BABAM2: variants seen among roughly 807,000 people sequenced by gnomAD.
BABAM2 encodes BRISC and BRCA1 A complex member 2.
In BABAM2, 31 loss-of-function variants were observed where a neutral mutation model predicts 54.7. The ratio of observed to expected loss-of-function variants is 0.57; its 90% CI spans 0.43 to 0.77. The LOEUF (loss-of-function observed/expected upper bound fraction) is 0.77, where lower values mean the gene tolerates loss of function less well. Ranked by LOEUF, BABAM2 falls within the 30% of genes least tolerant of loss-of-function variation. The probability of loss-of-function intolerance (pLI) is 0.00; values close to 1 mark genes in which losing one functional copy is unlikely to be tolerated. For synonymous variants in BABAM2, 167 were observed against 162.9 expected (o/e 1.03, Z -0.19); for missense variants, 364 against 455.8 (o/e 0.80, Z 1.83).
At chr2:28,033,490 C>T (rs373152609) in intron 5 of BABAM2, among the ~76,000 whole-genome samples, 1 of 152,106 alleles carries the variant, frequency 6.6e-6, no homozygotes, top group East Asian at 1.9e-4. Context: ...CAAGGCATCA[C>T]ATGGCGAGAG....
At chr2:28,045,873 G>C in intron 6 of BABAM2, 74 bp downstream of exon 6, 1 of 1,171,970 alleles carries the variant, frequency 8.5e-7, no homozygotes, top group Non-Finnish European at 1.2e-6. Flanking sequence ...ATATTTGTAT[G>C]ACTGGTTTGT....
At position 27,953,002 on chromosome 2, in the gene BABAM2, T is replaced by A. The variant is rs1004299172; in HGVS notation, c.205+23094T>A. 3.3e-5 allele frequency among the ~76,000 whole-genome samples: 5 copies of A among 152,222 alleles called. No homozygotes were observed. In the East Asian group the frequency reaches 9.7e-4, roughly 29 times the overall value. On this transcript the variant is annotated intron_variant, in intron 3 of 11. Coordinates refer to ENST00000379624, the MANE Select transcript of BABAM2 (RefSeq NM_199191.3). ...GGCACGTGAAAAAGAAAACCAGTAG[T>A]GGCTCTACCCTTCACACTTCTCTCT...
chr2:28,101,288 A>T (rs1019457812), intron 6 of BABAM2, among the ~76,000 whole-genome samples: 10 of 152,140 alleles, frequency 6.6e-5, no homozygotes, highest in African/African-American at 9.7e-5. Context: ...GGACTCATTC[A>T]CACATGATTC....
chr2:28,001,794 A>T (rs372597059), intron 4 of BABAM2, among the ~76,000 whole-genome samples: 21 of 152,050 alleles, frequency 1.4e-4, no homozygotes, highest in African/African-American at 5.1e-4. Flanking sequence ...ATCAGATCTC[A>T]TGTGAATTCA....
intron 6 of BABAM2, among the ~76,000 whole-genome samples, chr2:28,061,584 C>CAAAAAAAAA (rs397871191): frequency 1.8e-5 from 1 of 54,074 alleles, no homozygotes; most frequent in Non-Finnish European, 4.0e-5. Context: ...GACTCTGTCT[C>CAAAAAAAAA]AAAAAAAAAA....
chr2:28,188,159 C>T (rs10211048), intron 7 of BABAM2, among the ~76,000 whole-genome samples: 1 of 151,982 alleles, frequency 6.6e-6, no homozygotes, highest in Non-Finnish European at 1.5e-5. Flanking sequence ...ATGCCCGCCT[C>T]GTTCATTTGC....
intron 3 of BABAM2, among the ~76,000 whole-genome samples, chr2:27,969,232 T>C (rs1671039347): frequency 1.3e-5 from 2 of 152,194 alleles, no homozygotes; most frequent in Non-Finnish European, 2.9e-5. Context: ...CACATGAAAC[T>C]GTGAGTTCTC....
intron 10 of BABAM2, among the ~76,000 whole-genome samples, chr2:28,283,769 G>A (rs1287653052): frequency 6.6e-6 from 1 of 152,142 alleles, no homozygotes; most frequent in East Asian, 1.9e-4. Context: ...CAATTGTATG[G>A]CCCACTATCA....
intron 4 of BABAM2, among the ~76,000 whole-genome samples, chr2:28,005,219 A>G (rs1673872678): frequency 6.6e-6 from 1 of 152,152 alleles, no homozygotes; most frequent in South Asian, 2.1e-4. Context: ...TATCTTGTCT[A>G]GTTCATAGTG....
At chr2:28,211,309 A>G (rs72818428) in intron 7 of BABAM2, among the ~76,000 whole-genome samples, 12,488 of 151,390 alleles carry the variant, frequency 0.082, 619 homozygotes, top group Middle Eastern at 0.17. Flanking sequence ...ACATAGTATA[A>G]TGGACCGCAG....
chr2:28,145,955 C>T (rs1671459749), intron 7 of BABAM2, among the ~76,000 whole-genome samples: 1 of 152,096 alleles, frequency 6.6e-6, no homozygotes, highest in African/African-American at 2.4e-5. Flanking sequence ...TATCAATATA[C>T]CACATTTGAT....
At chr2:27,998,781 G>T (rs934488421) in intron 4 of BABAM2, among the ~76,000 whole-genome samples, 1 of 152,042 alleles carries the variant, frequency 6.6e-6, no homozygotes, top group East Asian at 1.9e-4. Context: ...CTATTAATTC[G>T]TTATTTTAAG....
chr2:28,275,564 T>C (rs1054589195), intron 10 of BABAM2, among the ~76,000 whole-genome samples: 3 of 152,008 alleles, frequency 2.0e-5, no homozygotes, highest in African/African-American at 7.3e-5. Context: ...ACGGGTGGAG[T>C]ACCAAAGCTT....
At chr2:27,930,100 G>A (rs1667984737) in intron 3 of BABAM2, 192 bp downstream of exon 3, 1 of 538,866 alleles carries the variant, frequency 1.9e-6, no homozygotes, top group Non-Finnish European at 3.2e-6. Context: ...GGAATACGTT[G>A]TGGTTAAATA....
At chr2:28,149,650 A>G (rs1219528418) in intron 7 of BABAM2, among the ~76,000 whole-genome samples, 1 of 151,998 alleles carries the variant, frequency 6.6e-6, no homozygotes, top group Non-Finnish European at 1.5e-5. Flanking sequence ...GTATCACTCC[A>G]CACGCCTGTA....
chr2:28,013,226 G>C, intron 4 of BABAM2: 1 of 379,412 alleles, frequency 2.6e-6, no homozygotes, highest in Admixed American at 3.1e-5. Context: ...GACATGTGAA[G>C]TATGCCACCT....
intron 6 of BABAM2, among the ~76,000 whole-genome samples, chr2:28,095,015 T>C (rs1666486471): frequency 6.6e-6 from 1 of 152,034 alleles, no homozygotes; most frequent in African/African-American, 2.4e-5. Flanking sequence ...TCTTTGGCTA[T>C]CATAAACAGT....
At chr2:27,969,700 T>A (rs1185637754) in intron 3 of BABAM2, among the ~76,000 whole-genome samples, 2 of 151,782 alleles carry the variant, frequency 1.3e-5, no homozygotes, top group Non-Finnish European at 2.9e-5. Context: ...GGGGAGGAGG[T>A]TATTTTGCTC....
intron 7 of BABAM2, among the ~76,000 whole-genome samples, chr2:28,167,693 CAAAA>C (rs373375104): frequency 5.8e-5 from 6 of 103,800 alleles, no homozygotes; most frequent in South Asian, 3.4e-4. Flanking sequence ...GACTCCATCT[CAAAA>C]AAATAAATAA....
Sources: allele counts gnomAD v4.1 joint callset (sites outside exome capture counted in the v4.1 genomes callset), GRCh38; gene constraint gnomAD v4.1.1; transcripts MANE v1.5; gene names NCBI Gene and HGNC (gene_info 2026-07-23, HGNC 2026-07-21).